GAB1: variants seen among roughly 807,000 people sequenced by gnomAD.
GAB1 encodes the protein GRB2-associated-binding protein 1.
GAB1 carries 19 observed loss-of-function variants against 66.5 expected under a neutral mutation model. The ratio of observed to expected loss-of-function variants is 0.29; its 90% CI spans 0.20 to 0.42. The LOEUF (loss-of-function observed/expected upper bound fraction) is 0.42, where lower values mean the gene tolerates loss of function less well. Among genes scored for constraint, GAB1 ranks in the 10% least tolerant of loss-of-function variants. GAB1 has a pLI of 1.00. For synonymous variants in GAB1, 294 were observed against 301.4 expected (o/e 0.98, Z 0.25); for missense variants, 732 against 858.5 (o/e 0.85, Z 1.84).
chr4:143,371,235 G>A (rs371598434), intron 1 of GAB1, among the ~76,000 whole-genome samples: 3,155 of 151,838 alleles, frequency 0.021, 101 homozygotes, highest in African/African-American at 0.072. Flanking sequence ...TTTAATGATC[G>A]CCATTCTAAC....
chr4:143,350,694 A>G (rs971398461), intron 1 of GAB1, among the ~76,000 whole-genome samples: 26 of 151,604 alleles, frequency 1.7e-4, no homozygotes, highest in Admixed American at 2.6e-4. Flanking sequence ...AAAAAAAAAA[A>G]AAAAGAAAGA....
chr4:143,469,077 A>C lies in GAB1; in HGVS notation c.1973A>C (p.Asp658Ala). The C allele has an allele frequency of 6.2e-7, 1 of 1,614,154 alleles. No homozygotes were observed. The highest frequency in any genetic ancestry group is 8.5e-7 in the Non-Finnish European group (1 of 1,179,978). Residue 658 changes from aspartate to alanine, a missense_variant, in exon 10 of 10, where the codon GAT becomes GCT. Physicochemically the swap from Asp to Ala is moderately radical, Grantham distance 126. Around this residue, in one of 4 missense-constraint regions of GAB1, gnomAD observed 204 missense variants for 276.8 expected, o/e 0.74. Transcript: ENST00000262994. ...SGSSVADERVDYVVVDQQKTL... is the reference protein window; with the variant it reads ...SGSSVADERVAYVVVDQQKTL... ...AGCAGTGTAGCAGATGAGAGAGTGGATTATGTTGTTGTTGACCAACAGAAG... is the reference window on the plus strand; with the variant it reads ...AGCAGTGTAGCAGATGAGAGAGTGGCTTATGTTGTTGTTGACCAACAGAAG...
chr4:143,358,661 G>A (rs1729540955), intron 1 of GAB1, among the ~76,000 whole-genome samples: 1 of 152,206 alleles, frequency 6.6e-6, no homozygotes, highest in African/African-American at 2.4e-5. Context: ...GACAGCATGT[G>A]TGTGTGAGAA....
In GAB1 at chr4:143,438,468, T is replaced by C; in HGVS notation, c.1063T>C (p.Ser355Pro). Residue 355 changes from serine (S) to proline (P), a missense_variant, in exon 4 of 10, where the codon TCT (serine) becomes CCT (proline). Transcript: ENST00000262994. ...GAAACCACATCCAGCTCATGACCGA[T>C]CTCCTGTGGAAACGTGTAGTATCCC... ...PPKPHPAHDR[S>P]PVETCSIPRT... is the part of the protein sequence containing the mutation. 1 of 1,613,946 alleles carries C rather than the reference T, an allele frequency of 6.2e-7. No individual in the cohort carries two copies. The highest frequency in any genetic ancestry group is 8.5e-7 in the Non-Finnish European group (1 of 1,179,966).
At position 143,449,164 on chromosome 4, in the gene GAB1, A is replaced by G. The variant is rs1734745052; in HGVS notation, c.1585+8782A>G. 4.1e-5 allele frequency among the ~76,000 whole-genome samples: 6 copies of G among 147,128 alleles called. 1 individual carries two copies. The South Asian group carries it at 1.3e-3, about 32-fold the overall frequency. ...ACTGTGGTCTGAGAGACAGTTTGTT[A>G]TAATTTCTGTTCTTTTACATTTGCT... On this transcript the variant is annotated intron_variant, in intron 6 of 9. Coordinates refer to ENST00000262994, the MANE Select transcript of GAB1 (RefSeq NM_002039.4).
At chr4:143,380,430 C>T (rs1165601684) in intron 1 of GAB1, among the ~76,000 whole-genome samples, 2 of 152,286 alleles carry the variant, frequency 1.3e-5, no homozygotes, top group African/African-American at 2.4e-5. Context: ...GGCAGAACTA[C>T]ATCCCAAGCT....
intron 1 of GAB1, among the ~76,000 whole-genome samples, chr4:143,405,639 A>G (rs1336844182): frequency 6.6e-6 from 1 of 152,196 alleles, no homozygotes. Context: ...TTAACCACCA[A>G]GTCCTTGCAT....
intron 1 of GAB1, among the ~76,000 whole-genome samples, chr4:143,394,540 C>G (rs1416327151): frequency 6.6e-6 from 1 of 152,108 alleles, no homozygotes; most frequent in Non-Finnish European, 1.5e-5. Flanking sequence ...CCTCAGAAAA[C>G]TGATCACATG....
rs1357592093 is a variant in GAB1, at chr4:143,466,219, A to C, written c.1920A>C (p.Pro640=). ...LDLDSGKSTP[P]RKQKSSGSGS... Reference sequence around the variant, plus strand: ...TAGATTCTGGGAAATCCACACCACCACGTAAGGTGAGTGACATGTGACATG... The same window carrying C: ...TAGATTCTGGGAAATCCACACCACCCCGTAAGGTGAGTGACATGTGACATG... Residue 640 remains proline (P), a synonymous_variant, in exon 9 of 10, where the codon CCA becomes CCC. Transcript: ENST00000262994. 3.7e-6 allele frequency: 6 copies of C among 1,613,536 alleles called. No individual in the cohort carries two copies. Among genetic ancestry groups the C allele is most frequent in the Admixed American group, 1.7e-5 (1 of 59,986 alleles).
rs185411414 is a variant in GAB1 at position 143,375,094 on chromosome 4, C to T, written c.72+37834C>T. ...TCCTGAATAGCTGGAATTATAGGTG[C>T]CCGCCACAACGCCTGGCTAAGTTTT... On this transcript the variant is annotated intron_variant, in intron 1 of 9. Transcript: ENST00000262994. Among the ~76,000 whole-genome samples, 8 of 152,242 alleles carry T rather than the reference C, an allele frequency of 5.3e-5. No homozygotes were observed. The East Asian group carries it at 1.4e-3, about 26-fold the overall frequency.
At chr4:143,394,748 G>C (rs1226382278) in intron 1 of GAB1, 1 of 152,018 alleles carries the variant, frequency 6.6e-6, no homozygotes, top group East Asian at 1.9e-4. Flanking sequence ...TGTAGACGAT[G>C]GTTAAAAAAC....
At chr4:143,373,452 G>A (rs1295379435) in intron 1 of GAB1, among the ~76,000 whole-genome samples, 1 of 152,034 alleles carries the variant, frequency 6.6e-6, no homozygotes, top group East Asian at 1.9e-4. Context: ...TTACATTTCT[G>A]CATTTTATCC....
chr4:143,438,401 A>G lies in GAB1; in HGVS notation c.996A>G (p.Ser332=). Residue 332 remains serine (S), a synonymous_variant, in exon 4 of 10, where the codon TCA becomes TCG. Transcript: ENST00000262994. The part of the protein sequence containing the change: ...TFPEGTLGQT[S]KLDTIPDIPP... Reference sequence around the variant, plus strand: ...CAGAAGGAACCTTGGGACAGACATCAAAGCTAGACACTATTCCAGATATTC... The same window carrying G: ...CAGAAGGAACCTTGGGACAGACATCGAAGCTAGACACTATTCCAGATATTC... 1 of 1,614,110 alleles carries G rather than the reference A, an allele frequency of 6.2e-7. No homozygotes were observed. Among genetic ancestry groups the G allele is most frequent in the Non-Finnish European group, 8.5e-7 (1 of 1,179,984 alleles).
chr4:143,354,085 C>T lies in GAB1; in HGVS notation c.72+16825C>T, dbSNP rs574763273. Among the ~76,000 whole-genome samples, 37 of 152,252 alleles carry T rather than the reference C, an allele frequency of 2.4e-4. No homozygotes were observed. In the South Asian group the frequency reaches 5.8e-3, roughly 24 times the overall value. ...TTGTTGCTGTATGCTGGTGGAGACC[C>T]AAAACCAGCTTCTTCCATTTACTCA... On this transcript the variant is annotated intron_variant, in intron 1 of 9. Coordinates refer to ENST00000262994, the MANE Select transcript of GAB1 (RefSeq NM_002039.4).
At chr4:143,439,968 A>T (rs1306818804) in intron 5 of GAB1, 81 bp downstream of exon 5, 80 of 1,388,284 alleles carry the variant, frequency 5.8e-5, no homozygotes, top group Non-Finnish European at 1.0e-6. Context: ...ACTAAGTGAT[A>T]TCATGAAATA....
chr4:143,366,006 T>C (rs778060636), intron 1 of GAB1, among the ~76,000 whole-genome samples: 2 of 152,182 alleles, frequency 1.3e-5, no homozygotes, highest in African/African-American at 4.8e-5. Context: ...CCAACAAACA[T>C]TGCTAGTTTA....
intron 1 of GAB1, among the ~76,000 whole-genome samples, chr4:143,363,577 G>A (rs559634350): frequency 3.9e-5 from 6 of 152,276 alleles, no homozygotes; most frequent in Non-Finnish European, 7.4e-5. Flanking sequence ...GGATAAGGTG[G>A]AAAATAAGCC....
chr4:143,370,532 G>A (rs575807435), intron 1 of GAB1, among the ~76,000 whole-genome samples: 4 of 152,186 alleles, frequency 2.6e-5, no homozygotes, highest in Non-Finnish European at 4.4e-5. Context: ...TATCCCTGCT[G>A]TCCTCATTGA....
intron 1 of GAB1, among the ~76,000 whole-genome samples, chr4:143,375,036 C>T (rs934193590): frequency 2.0e-5 from 3 of 152,206 alleles, no homozygotes; most frequent in African/African-American, 7.2e-5. Context: ...CAACCTCCGC[C>T]CCCTGGGCTC....
Sources: allele counts gnomAD v4.1 joint callset (sites outside exome capture counted in the v4.1 genomes callset), GRCh38; gene constraint gnomAD v4.1.1; regional missense constraint gnomAD v4.1.1; transcripts MANE v1.5; gene names NCBI Gene and HGNC (gene_info 2026-07-23, HGNC 2026-07-21).